HTR3B: variants seen among roughly 807,000 people sequenced by gnomAD.
HTR3B encodes 5-hydroxytryptamine receptor 3B.
Under a neutral mutation model 42.8 loss-of-function variants are expected in HTR3B, and 44 were observed. The ratio of observed to expected loss-of-function variants is 1.03; its 90% CI spans 0.81 to 1.32. The LOEUF (loss-of-function observed/expected upper bound fraction) is 1.32, where lower values mean the gene tolerates loss of function less well. Ranked by LOEUF, HTR3B falls within the 40% of genes most tolerant of loss-of-function variation. The pLI is 0.00. For synonymous variants in HTR3B, 203 were observed against 209.0 expected, an observed-to-expected ratio of 0.97 and a Z score of 0.25; for missense variants, 527 against 536.5, an observed-to-expected ratio of 0.98 and a Z score of 0.17.
intron 5 of HTR3B, 24 bp from the exon 6 acceptor site, chr11:113,932,912 G>T: frequency 6.2e-7 from 1 of 1,609,490 alleles, no homozygotes; most frequent in Non-Finnish European, 8.5e-7. Flanking sequence ...CTCTGGGAAA[G>T]TCAATTGTTT....
chr11:113,914,388 T>C (rs1320301926), intron 2 of HTR3B, among the ~76,000 whole-genome samples: 1 of 150,644 alleles, frequency 6.6e-6, no homozygotes, highest in African/African-American at 2.4e-5. Flanking sequence ...TGCTTGAACC[T>C]GGGAGGCGGA....
At chr11:113,905,298 T>C (rs1159490488) in intron 1 of HTR3B, among the ~76,000 whole-genome samples, 5 of 152,230 alleles carry the variant, frequency 3.3e-5, no homozygotes, top group Admixed American at 6.5e-5. Context: ...GCAGGTTGAT[T>C]GAGAGTTTGG....
chr11:113,911,227 CATTT>C (rs1011771609), intron 2 of HTR3B, among the ~76,000 whole-genome samples: 16 of 151,826 alleles, frequency 1.1e-4, no homozygotes, highest in African/African-American at 3.9e-4. Context: ...ACCCATATAA[CATTT>C]ATTTATTTAT....
At chr11:113,918,649 T>C (rs904603304) in intron 2 of HTR3B, among the ~76,000 whole-genome samples, 4 of 147,246 alleles carry the variant, frequency 2.7e-5, no homozygotes, top group Admixed American at 7.0e-5. Context: ...TAAACCAGTA[T>C]GACAATCTAT....
intron 2 of HTR3B, among the ~76,000 whole-genome samples, chr11:113,910,892 C>T (rs1207250309): frequency 6.7e-6 from 1 of 150,144 alleles, no homozygotes; most frequent in Non-Finnish European, 1.5e-5. Flanking sequence ...TGCAGTGGCA[C>T]AATCTCTGCT....
At chr11:113,909,577 G>A (rs1449017676) in intron 2 of HTR3B, 122 bp downstream of exon 2, 31 of 773,330 alleles carry the variant, frequency 4.0e-5, no homozygotes, top group South Asian at 1.6e-4. Context: ...GGGAAGTTGC[G>A]CTAGATTCAT....
chr11:113,941,690 A>G (rs1372518947), intron 6 of HTR3B, among the ~76,000 whole-genome samples: 1 of 152,100 alleles, frequency 6.6e-6, no homozygotes, highest in Non-Finnish European at 1.5e-5. Context: ...CAGTGGCAGG[A>G]GATGGGAGGA....
intron 1 of HTR3B, 87 bp from the exon 2 acceptor site, chr11:113,909,208 A>T (rs1949758527): frequency 3.9e-6 from 4 of 1,023,448 alleles, no homozygotes; most frequent in Non-Finnish European, 6.1e-6. Flanking sequence ...TTCTAGTAAA[A>T]GCCACCGAGT....
At chr11:113,921,979 T>C (rs935566569) in intron 2 of HTR3B, among the ~76,000 whole-genome samples, 3 of 152,204 alleles carry the variant, frequency 2.0e-5, no homozygotes, top group African/African-American at 7.2e-5. Context: ...GTCTACCATC[T>C]TACATTATCT....
At position 113,921,334 on chromosome 11, in the gene HTR3B, C is replaced by T. The variant is rs367905652; in HGVS notation, c.214-10050C>T. 3.3e-3 allele frequency among the ~76,000 whole-genome samples: 490 copies of T among 149,600 alleles called. 5 individuals carry two copies. The highest frequency in any genetic ancestry group is 0.011 in the African/African-American group (437 of 40,578). ...CTAATTTTTGTACTTTTAGTAGAGA[C>T]GGGGTTTCACCATGTTGGCCAGGCT... On this transcript the variant is annotated intron_variant, in intron 2 of 8. Coordinates refer to ENST00000260191, the MANE Select transcript of HTR3B (RefSeq NM_006028.5).
At position 113,913,183 on chromosome 11, in the gene HTR3B, A is replaced by C. The variant is rs139380465; in HGVS notation, c.213+3728A>C. Among the ~76,000 whole-genome samples the C allele has an allele frequency of 7.1e-3, 1,069 of 150,260 alleles. 13 individuals carry two copies. Among genetic ancestry groups the C allele is most frequent in the African/African-American group, 0.024 (1,005 of 41,152 alleles). ...GTTATGGTTTGAATGTGTCCCCAAA[A>C]TTTCTTTCTTTCTTTCTTTGTTTTT... is the stretch of plus-strand genomic sequence containing the variant. On this transcript the variant is annotated intron_variant, in intron 2 of 8. Coordinates refer to ENST00000260191, the MANE Select transcript of HTR3B (RefSeq NM_006028.5).
chr11:113,909,268 T>A, intron 1 of HTR3B, 27 bp from the exon 2 acceptor site: 1 of 1,596,922 alleles, frequency 6.3e-7, no homozygotes, highest in African/African-American at 1.3e-5. Context: ...CTTACTTTTA[T>A]CTTCACAATG....
chr11:113,927,688 G>C (rs758589824), intron 2 of HTR3B, among the ~76,000 whole-genome samples: 8 of 151,320 alleles, frequency 5.3e-5, no homozygotes, highest in Non-Finnish European at 1.0e-4. Flanking sequence ...TCAGCCTCCC[G>C]AGTAGCTGGA....
intron 8 of HTR3B, among the ~76,000 whole-genome samples, chr11:113,945,259 C>T (rs1274642986): frequency 2.0e-5 from 3 of 152,020 alleles, no homozygotes; most frequent in Non-Finnish European, 4.4e-5. Context: ...CTCAGCCTCC[C>T]GAGTAGCTAG....
intron 5 of HTR3B, 27 bp from the exon 6 acceptor site, chr11:113,932,909 A>G: frequency 6.2e-7 from 1 of 1,607,000 alleles, no homozygotes; most frequent in Non-Finnish European, 8.5e-7. Context: ...TCTCTCTGGG[A>G]AAGTCAATTG....
intron 6 of HTR3B, among the ~76,000 whole-genome samples, chr11:113,941,511 C>G (rs1051648247): frequency 2.0e-5 from 3 of 152,200 alleles, no homozygotes; most frequent in African/African-American, 7.2e-5. Context: ...ACAAGAGCAG[C>G]TCTGTGTGGC....
At chr11:113,927,512 T>G (rs997724620) in intron 2 of HTR3B, among the ~76,000 whole-genome samples, 1 of 152,172 alleles carries the variant, frequency 6.6e-6, no homozygotes, top group Non-Finnish European at 1.5e-5. Context: ...GCACATGTTT[T>G]CTTATAGAAT....
chr11:113,935,087 T>C (rs1209463912), intron 6 of HTR3B, among the ~76,000 whole-genome samples: 1 of 152,132 alleles, frequency 6.6e-6, no homozygotes, highest in Non-Finnish European at 1.5e-5. Context: ...ATAGAGCAGC[T>C]ATTATTTGTA....
intron 2 of HTR3B, among the ~76,000 whole-genome samples, chr11:113,912,504 A>G (rs1046568545): frequency 1.3e-5 from 2 of 152,166 alleles, no homozygotes; most frequent in African/African-American, 4.8e-5. Context: ...CGGCCTCCCA[A>G]AGTGCTGGGA....
Sources: allele counts gnomAD v4.1 joint callset (sites outside exome capture counted in the v4.1 genomes callset), GRCh38; gene constraint gnomAD v4.1.1; transcripts MANE v1.5; gene names NCBI Gene and HGNC (gene_info 2026-07-23, HGNC 2026-07-21).